Variants in USP47 observed in about 807,000 individuals in gnomAD.
USP47 encodes ubiquitin carboxyl-terminal hydrolase 47.
In USP47, 35 loss-of-function variants were observed where a neutral mutation model predicts 165.1. That is an observed-to-expected ratio of 0.21 (90% CI 0.16 to 0.28). The LOEUF (loss-of-function observed/expected upper bound fraction) is 0.28. Among genes scored for constraint, USP47 ranks in the 10% least tolerant of loss-of-function variants. The probability of loss-of-function intolerance (pLI) is 1.00; values close to 1 mark genes in which losing one functional copy is unlikely to be tolerated. For missense variants in USP47, 1,277 were observed against 1,607.4 expected, an observed-to-expected ratio of 0.79 and a Z score of 3.52; for synonymous variants, 531 against 544.5, an observed-to-expected ratio of 0.98 and a Z score of 0.35.
chr11:11,904,414 A>G (rs952331566), intron 7 of USP47, among the ~76,000 whole-genome samples: 3 of 152,218 alleles, frequency 2.0e-5, no homozygotes, highest in Non-Finnish European at 4.4e-5. Context: ...GATGTAGTAC[A>G]CTTATCCTCA....
intron 6 of USP47, 39 bp downstream of exon 6, chr11:11,902,899 A>C: frequency 1.3e-6 from 2 of 1,488,938 alleles, no homozygotes; most frequent in South Asian, 1.5e-5. Flanking sequence ...TCTAATATTC[A>C]AACAAATTCT....
At chr11:11,936,184 G>T (rs1380435873) in intron 16 of USP47, 119 bp from the exon 17 acceptor site, 1 of 420,706 alleles carries the variant, frequency 2.4e-6, no homozygotes, top group Non-Finnish European at 3.6e-6. Flanking sequence ...TGTGGATTTT[G>T]TTAGGGCCTA....
intron 3 of USP47, among the ~76,000 whole-genome samples, chr11:11,884,873 T>G (rs945328348): frequency 5.3e-5 from 8 of 152,146 alleles, no homozygotes; most frequent in Non-Finnish European, 1.0e-4. Flanking sequence ...TAAGTCAAAG[T>G]GCCACAAAGA....
chr11:11,920,830 T>C (rs1853783146), intron 10 of USP47, among the ~76,000 whole-genome samples: 1 of 151,820 alleles, frequency 6.6e-6, no homozygotes, highest in Admixed American at 6.6e-5. Flanking sequence ...GAAACCAGCC[T>C]GAAGGTAAGC....
rs1851550207 is a variant in USP47 at position 11,892,063 on chromosome 11, C to T, written c.453C>T (p.Ser151=). 4.3e-6 allele frequency: 7 copies of T among 1,613,614 alleles called. No individual in the cohort carries two copies. Among genetic ancestry groups the T allele is most frequent in the Non-Finnish European group, 5.9e-6 (7 of 1,179,816 alleles). Residue 151 remains serine (S), a synonymous_variant, in exon 4 of 28, where the codon AGC becomes AGT. Coordinates refer to ENST00000527733, the MANE Select transcript of USP47 (RefSeq NM_001282659.2). ...GSGGSTSDYV[S]QSYSYSSILN... ...GGGGTTCTACCAGTGATTATGTCAG[C>T]CAAAGCTACTCCTACTCATCTATTT...
chr11:11,851,448 A>T (rs1282271735), intron 1 of USP47, among the ~76,000 whole-genome samples: 1 of 151,894 alleles, frequency 6.6e-6, no homozygotes, highest in African/African-American at 2.4e-5. Context: ...CCAGTTCCTG[A>T]GCCCCTTAGT....
At chr11:11,911,709 CAG>C (rs1403941227) in intron 8 of USP47, among the ~76,000 whole-genome samples, 1 of 152,088 alleles carries the variant, frequency 6.6e-6, no homozygotes, top group Non-Finnish European at 1.5e-5. Context: ...AACAACTAGA[CAG>C]AAATAGCAAA....
intron 25 of USP47, among the ~76,000 whole-genome samples, 182 bp from the exon 26 acceptor site, chr11:11,954,715 T>C (rs985435632): frequency 6.6e-6 from 1 of 152,210 alleles, no homozygotes; most frequent in Non-Finnish European, 1.5e-5. Flanking sequence ...GGAAGGAATA[T>C]ACTAACTTGG....
chr11:11,860,178 T>C (rs1849298674), intron 1 of USP47, among the ~76,000 whole-genome samples: 1 of 151,784 alleles, frequency 6.6e-6, no homozygotes, highest in Non-Finnish European at 1.5e-5. Flanking sequence ...AGATGGAGTT[T>C]CGCTCTTGTT....
intron 1 of USP47, among the ~76,000 whole-genome samples, chr11:11,843,815 A>C (rs942114334): frequency 6.6e-6 from 1 of 152,240 alleles, no homozygotes; most frequent in African/African-American, 2.4e-5. Flanking sequence ...GATAACAGCA[A>C]CGGAAGTTTA....
At chr11:11,933,551 G>C (rs1033937757) in intron 15 of USP47, among the ~76,000 whole-genome samples, 1 of 151,858 alleles carries the variant, frequency 6.6e-6, no homozygotes, top group Non-Finnish European at 1.5e-5. Context: ...GGGAAAAATT[G>C]GAAACAACAC....
chr11:11,865,643 G>T (rs1180853981), intron 1 of USP47, among the ~76,000 whole-genome samples: 1 of 151,962 alleles, frequency 6.6e-6, no homozygotes, highest in African/African-American at 2.4e-5. Flanking sequence ...AAGAGTTCCA[G>T]TTTCCCCACA....
intron 8 of USP47, among the ~76,000 whole-genome samples, chr11:11,907,454 T>C (rs1369285042): frequency 1.3e-5 from 2 of 152,242 alleles, no homozygotes; most frequent in Non-Finnish European, 2.9e-5. Context: ...AGGAGGATAC[T>C]ACCTTCGGAG....
chr11:11,899,419 T>C (rs1268915198), intron 5 of USP47, among the ~76,000 whole-genome samples: 1 of 152,202 alleles, frequency 6.6e-6, no homozygotes, highest in Non-Finnish European at 1.5e-5. Context: ...CTTTTAGGTA[T>C]AAGGATTAGA....
At chr11:11,931,777 A>G (rs1854685795) in intron 14 of USP47, among the ~76,000 whole-genome samples, 1 of 152,172 alleles carries the variant, frequency 6.6e-6, no homozygotes, top group African/African-American at 2.4e-5. Flanking sequence ...TTAATGCCAA[A>G]TAATCATTGG....
At position 11,854,387 on chromosome 11, in the gene USP47, C is replaced by T. The variant is rs770398136; in HGVS notation, c.39+12163C>T. 2.0e-4 allele frequency among the ~76,000 whole-genome samples: 29 copies of T among 147,126 alleles called. 2 individuals are homozygous for T. The highest frequency in any genetic ancestry group is 3.7e-4 in the Non-Finnish European group (24 of 65,546). ...CCAGCTGTCTGACATTGGACAAATT[C>T]CTTAACCTGTCAGTACCTTAGTTAA... On this transcript the variant is annotated intron_variant, in intron 1 of 27. Coordinates refer to ENST00000527733, the MANE Select transcript of USP47 (RefSeq NM_001282659.2).
At chr11:11,933,224 C>A (rs1854805593) in intron 15 of USP47, 108 bp downstream of exon 15, 1 of 899,628 alleles carries the variant, frequency 1.1e-6, no homozygotes, top group Non-Finnish European at 1.7e-6. Flanking sequence ...ATTATGCTAT[C>A]ATGATCATTG....
rs1377478648 is a variant in USP47, at chr11:11,957,038, T to C, written c.*863T>C. The C allele has an allele frequency of 1.3e-5, 2 of 152,242 alleles. No homozygotes were observed. The highest frequency in any genetic ancestry group is 1.9e-4 in the East Asian group (1 of 5,200). The allele number at this position is 152,242 out of a possible 1,614,324, so 9.4% of individuals were successfully genotyped here. The stretch of plus-strand genomic sequence containing the variant: ...TGAGAAGTATAGCAATCTATGTAAA[T>C]GTAATCCTCAGTGAGGTTCCTCAGT... On this transcript the variant is annotated 3_prime_UTR_variant, in exon 28 of 28. Transcript: ENST00000527733.
At chr11:11,891,701 C>T (rs79547115) in intron 3 of USP47, among the ~76,000 whole-genome samples, 1 of 152,230 alleles carries the variant, frequency 6.6e-6, no homozygotes, top group Non-Finnish European at 1.5e-5. Context: ...GCTAGGCCTA[C>T]GTGGCCAGGA....
Sources: allele counts gnomAD v4.1 joint callset (sites outside exome capture counted in the v4.1 genomes callset), GRCh38; gene constraint gnomAD v4.1.1; transcripts MANE v1.5; gene names NCBI Gene and HGNC (gene_info 2026-07-23, HGNC 2026-07-21).